Variants in NEBL observed in about 807,000 individuals in gnomAD.
NEBL encodes the protein nebulette, also known as LIM and SH3 protein 2.
A neutral mutation model predicts 140.2 loss-of-function variants in NEBL; 122 were observed. The ratio of observed to expected loss-of-function variants is 0.87; its 90% CI spans 0.75 to 1.01. The LOEUF is 1.01. Among genes scored for constraint, NEBL ranks in the 50% least tolerant of loss-of-function variants. The pLI is 0.00. For missense variants in NEBL, 1,365 were observed against 1,231.3 expected, an observed-to-expected ratio of 1.11 and a Z score of -1.62; for synonymous variants, 436 against 398.9, an observed-to-expected ratio of 1.09 and a Z score of -1.11.
chr10:20,813,374 A>G (rs1427022452), intron 23 of NEBL, among the ~76,000 whole-genome samples: 2 of 151,282 alleles, frequency 1.3e-5, no homozygotes, highest in African/African-American at 2.5e-5. Flanking sequence ...TTGAAATTTT[A>G]TAGGTAACAA....
chr10:21,170,058 T>G (rs1193385174), intron 2 of NEBL, among the ~76,000 whole-genome samples: 1 of 152,212 alleles, frequency 6.6e-6, no homozygotes, highest in Non-Finnish European at 1.5e-5. Flanking sequence ...TCTCATAAAC[T>G]TTTTAAATCA....
At chr10:21,051,382 G>A (rs1834773553) in intron 2 of NEBL, among the ~76,000 whole-genome samples, 1 of 152,210 alleles carries the variant, frequency 6.6e-6, no homozygotes, top group East Asian at 1.9e-4. Flanking sequence ...AAGGAGTAGA[G>A]ATGTAAAGCA....
chr10:20,836,830 T>A (rs12569976), intron 13 of NEBL, among the ~76,000 whole-genome samples: 34,677 of 151,944 alleles, frequency 0.23, 4,378 homozygotes, highest in East Asian at 0.43. Context: ...AAGCCTAAAT[T>A]TTCATGGCCA....
chr10:21,113,462 A>T, intron 2 of NEBL: 1 of 381,938 alleles, frequency 2.6e-6, no homozygotes, highest in Non-Finnish European at 4.9e-6. Context: ...ACTGACCAGG[A>T]GGCTATTCAG....
intron 1 of NEBL, among the ~76,000 whole-genome samples, chr10:21,254,275 C>A (rs1842627111): frequency 6.6e-6 from 1 of 152,056 alleles, no homozygotes; most frequent in African/African-American, 2.4e-5. Flanking sequence ...ATAGCTGGGG[C>A]TACAGGCACA....
intron 13 of NEBL, among the ~76,000 whole-genome samples, chr10:20,840,029 C>T (rs183586302): frequency 1.3e-5 from 2 of 152,238 alleles, no homozygotes; most frequent in East Asian, 3.9e-4. Context: ...GAAGACATCT[C>T]CTTTGATGCC....
At chr10:20,895,035 T>C (rs1847360218) in intron 2 of NEBL, among the ~76,000 whole-genome samples, 1 of 151,990 alleles carries the variant, frequency 6.6e-6, no homozygotes, top group Non-Finnish European at 1.5e-5. Flanking sequence ...AGTATGCCTA[T>C]CTGTTTCATT....
At chr10:21,168,687 C>A (rs1485407803) in intron 2 of NEBL, among the ~76,000 whole-genome samples, 1 of 152,050 alleles carries the variant, frequency 6.6e-6, no homozygotes, top group African/African-American at 2.4e-5. Context: ...TTAGTGCATG[C>A]ATGACGTAGT....
intron 3 of NEBL, among the ~76,000 whole-genome samples, chr10:20,997,258 C>T (rs1335283196): frequency 6.6e-6 from 1 of 152,002 alleles, no homozygotes; most frequent in African/African-American, 2.4e-5. Context: ...ATGGGATCAG[C>T]AGGCTCCCTG....
intron 3 of NEBL, among the ~76,000 whole-genome samples, chr10:21,236,473 G>A (rs377629257): frequency 8.7e-5 from 13 of 150,082 alleles, no homozygotes; most frequent in Admixed American, 2.7e-4. Context: ...TCAGCCTTCC[G>A]AGTAGCTGGG....
intron 13 of NEBL, among the ~76,000 whole-genome samples, chr10:20,838,514 T>G (rs1275718673): frequency 6.6e-6 from 1 of 152,208 alleles, no homozygotes; most frequent in East Asian, 1.9e-4. Flanking sequence ...GCTGTGATCA[T>G]TATTGAAATA....
At chr10:21,213,008 T>A (rs1207881182) in intron 3 of NEBL, among the ~76,000 whole-genome samples, 2 of 151,936 alleles carry the variant, frequency 1.3e-5, no homozygotes, top group Admixed American at 1.3e-4. Flanking sequence ...CAGACCACCG[T>A]GACAAAACGA....
chr10:20,806,505 A>C (rs904654122), intron 26 of NEBL, among the ~76,000 whole-genome samples: 1 of 152,146 alleles, frequency 6.6e-6, no homozygotes, highest in Non-Finnish European at 1.5e-5. Flanking sequence ...TCTCTACTCA[A>C]ATATCCCCTC....
chr10:21,184,301 G>A (rs1227194962), intron 3 of NEBL, among the ~76,000 whole-genome samples: 1 of 152,192 alleles, frequency 6.6e-6, no homozygotes, highest in Non-Finnish European at 1.5e-5. Context: ...ATCAACAACA[G>A]AAGTAACCCA....
At chr10:20,941,976 G>T (rs1198858077) in intron 4 of NEBL, among the ~76,000 whole-genome samples, 1 of 152,104 alleles carries the variant, frequency 6.6e-6, no homozygotes, top group Non-Finnish European at 1.5e-5. Context: ...ATGCTCATGG[G>T]TAGGAAGAAT....
At chr10:20,904,598 T>C (rs984148605) in intron 4 of NEBL, among the ~76,000 whole-genome samples, 1 of 152,236 alleles carries the variant, frequency 6.6e-6, no homozygotes, top group African/African-American at 2.4e-5. Flanking sequence ...TTTTGTTTTA[T>C]TTTCAGGTGG....
chr10:21,005,168 G>GAC (rs142525758), intron 3 of NEBL, among the ~76,000 whole-genome samples: 5 of 151,966 alleles, frequency 3.3e-5, no homozygotes, highest in African/African-American at 9.7e-5. Context: ...GACTTGTGCA[G>GAC]ACACACACAC....
chr10:20,856,082 CA>C (rs1231317730), intron 9 of NEBL, among the ~76,000 whole-genome samples: 2 of 152,144 alleles, frequency 1.3e-5, no homozygotes, highest in African/African-American at 4.8e-5. Context: ...GGAGACACTT[CA>C]AAAGGAACAC....
At chr10:21,242,944 C>T (rs532403472) in intron 3 of NEBL, among the ~76,000 whole-genome samples, 2 of 152,234 alleles carry the variant, frequency 1.3e-5, no homozygotes, top group East Asian at 3.9e-4. Context: ...ACACCCCTGC[C>T]TTGGGAAATC....
Sources: allele counts gnomAD v4.1 joint callset (sites outside exome capture counted in the v4.1 genomes callset), GRCh38; gene constraint gnomAD v4.1.1; transcripts MANE v1.5; gene names NCBI Gene and HGNC (gene_info 2026-07-23, HGNC 2026-07-21).